Variants in ADORA2A observed in about 807,000 individuals in gnomAD.
ADORA2A encodes the protein adenosine A2a receptor, also known as adenosine receptor A2a.
In ADORA2A, 11 loss-of-function variants were observed where a neutral mutation model predicts 18.4. The observed-to-expected ratio is 0.60, with a 90% CI of 0.38 to 0.99. The LOEUF is 0.99. ADORA2A is among the 50% of genes least tolerant of loss of function. ADORA2A has a pLI of 0.01. For missense variants in ADORA2A, 449 were observed against 556.1 expected (o/e 0.81, Z 1.94); for synonymous variants, 218 against 237.3 (o/e 0.92, Z 0.75).
At chr22:24,440,530 G>T in intron 2 of ADORA2A, 53 bp from the exon 3 acceptor site, 1 of 1,508,862 alleles carries the variant, frequency 6.6e-7, no homozygotes, top group Non-Finnish European at 8.9e-7. Context: ...TGAACTCTTG[G>T]CCCTGCTTAA....
intron 1 of ADORA2A, among the ~76,000 whole-genome samples, chr22:24,428,638 A>G (rs774209487): frequency 7.2e-5 from 11 of 152,124 alleles, no homozygotes; most frequent in Non-Finnish European, 1.5e-4. Context: ...TTCCTACTGG[A>G]ATGAATTCAC....
upstream of ADORA2A, chr22:24,423,913 A>C (rs1009810398): frequency 1.3e-5 from 2 of 151,150 alleles, no homozygotes; most frequent in African/African-American, 4.9e-5. Flanking sequence ...GGAGCCGGAG[A>C]CCCAGCGGCC....
At chr22:24,432,576 G>C (rs907644343) in intron 1 of ADORA2A, 3 of 152,404 alleles carry the variant, frequency 2.0e-5, no homozygotes, top group East Asian at 1.9e-4. Flanking sequence ...CTGAGCATGG[G>C]GGGGCCAACA....
In ADORA2A at chr22:24,441,284, T is replaced by G. The variant is rs1568953992; in HGVS notation, c.1034T>G (p.Val345Gly). 6.2e-7 allele frequency: 1 copy of G among 1,611,974 alleles called. No individual in the cohort carries two copies. The highest frequency in any genetic ancestry group is 8.5e-7 in the Non-Finnish European group (1 of 1,179,026). The change falls in exon 3 of 3, where the codon GTG (valine) becomes GGG (glycine). Residue 345 changes from valine (V) to glycine (G), a missense_variant. Transcript: ENST00000337539. ...SLRLNGHPPG[V>G]WANGSAPHPE... ...CGTCTCAACGGCCACCCGCCAGGAG[T>G]GTGGGCCAACGGCAGTGCTCCCCAC... is the stretch of plus-strand genomic sequence containing the variant.
chr22:24,440,915 G>A lies in ADORA2A; in HGVS notation c.665G>A (p.Arg222Gln), dbSNP rs201346032. 45 of 1,614,136 alleles carry A rather than the reference G, an allele frequency of 2.8e-5. No homozygotes were observed. In the Middle Eastern group the frequency reaches 6.6e-4, roughly 24 times the overall value. Residue 222 changes from arginine to glutamine, a missense_variant, in exon 3 of 3, where the codon CGG becomes CAG. Transcript: ENST00000337539. ...CAGCCTCTGCCGGGGGAGCGGGCAC[G>A]GTCCACACTGCAGAAGGAGGTCCAT... ...ESQPLPGERA[R>Q]STLQKEVHAA...
upstream of ADORA2A, among the ~76,000 whole-genome samples, chr22:24,425,862 G>T (rs541977323): frequency 9.8e-5 from 15 of 152,360 alleles, no homozygotes; most frequent in African/African-American, 3.4e-4. Context: ...CTCATCTGTA[G>T]AACAAGGATG....
intron 1 of ADORA2A, chr22:24,431,349 C>A: frequency 4.4e-6 from 2 of 456,504 alleles, no homozygotes; most frequent in Non-Finnish European, 8.8e-6. Flanking sequence ...TGCAGGAGAA[C>A]CTCCAGTCCC....
intron 2 of ADORA2A, among the ~76,000 whole-genome samples, chr22:24,440,055 C>T (rs959551846): frequency 5.9e-5 from 9 of 152,130 alleles, no homozygotes; most frequent in African/African-American, 2.2e-4. Context: ...GGCCTAGATC[C>T]TCTATAGGTC....
upstream of ADORA2A, chr22:24,424,461 G>A (rs759844471): frequency 6.6e-6 from 1 of 152,264 alleles, no homozygotes; most frequent in African/African-American, 2.4e-5. This position sits in a 1 kb window ranked among gnomAD's most constrained non-coding sequence, Gnocchi z 4.9. Context: ...TGGACCGGGG[G>A]CGCAGAGGCG....
Position 24,440,733 on chromosome 22 carries a change from G to A in ADORA2A, c.483G>A (p.Glu161=). 1 of 1,614,228 alleles carries A rather than the reference G, an allele frequency of 6.2e-7. No individual in the cohort carries two copies. Among genetic ancestry groups the A allele is most frequent in the Non-Finnish European group, 8.5e-7 (1 of 1,180,036 alleles). ...EGKNHSQGCG[E]GQVACLFEDV... The stretch of plus-strand genomic sequence containing the variant: ...AGAACCACTCCCAGGGCTGCGGGGA[G>A]GGCCAAGTGGCCTGTCTCTTTGAGG... The change falls in exon 3 of 3, where the codon GAG becomes GAA. Residue 161 remains glutamate, a synonymous_variant. Transcript: ENST00000337539.
At chr22:24,431,935 C>T (rs1305837327) in intron 1 of ADORA2A, among the ~76,000 whole-genome samples, 1 of 152,208 alleles carries the variant, frequency 6.6e-6, no homozygotes, top group Non-Finnish European at 1.5e-5. Flanking sequence ...GCTGGCATGG[C>T]CCCTAGAGGT....
In ADORA2A at chr22:24,441,492, A is replaced by T. The variant is rs774881965; in HGVS notation, c.*3A>T. On this transcript the variant is annotated 3_prime_UTR_variant, in exon 3 of 3. Transcript: ENST00000337539. The stretch of plus-strand genomic sequence containing the variant: ...AGGATGGAGCAGGAGTGTCCTGATG[A>T]TTCATGGAGTTTGCCCCTTCCTAAG... The T allele has an allele frequency of 6.7e-7, 1 of 1,498,992 alleles. No homozygotes were observed. The highest frequency in any genetic ancestry group is 8.9e-7 in the Non-Finnish European group (1 of 1,124,584). The allele number at this position is 1,498,992 out of a possible 1,614,324, so 92.9% of individuals were successfully genotyped here.
At chr22:24,428,193 G>A (rs945383459) in intron 1 of ADORA2A, among the ~76,000 whole-genome samples, 2 of 152,210 alleles carry the variant, frequency 1.3e-5, no homozygotes, top group South Asian at 2.1e-4. Flanking sequence ...GGTTCTGGGA[G>A]GTTCATGCCC....
In ADORA2A at chr22:24,441,618, T is replaced by G; in HGVS notation, c.*129T>G. On this transcript the variant is annotated 3_prime_UTR_variant, in exon 3 of 3. Coordinates refer to ENST00000337539, the MANE Select transcript of ADORA2A (RefSeq NM_000675.6). The stretch of plus-strand genomic sequence containing the variant: ...AGGGCAGCCGGTTCCTACTTTGGAC[T>G]GAGAGAAGGGAGCCCCAGGCTGGAG... 1 of 970,404 alleles carries G rather than the reference T, an allele frequency of 1.0e-6. No individual in the cohort carries two copies. The highest frequency in any genetic ancestry group is 1.4e-6 in the Non-Finnish European group (1 of 713,240). The allele number at this position is 970,404 out of a possible 1,614,324, so 60.1% of individuals were successfully genotyped here.
At chr22:24,434,394 G>C (rs1416819461) in intron 2 of ADORA2A, among the ~76,000 whole-genome samples, 2 of 152,216 alleles carry the variant, frequency 1.3e-5, no homozygotes, top group African/African-American at 4.8e-5. Context: ...GCTGTTGGAG[G>C]GGATTTTTAT....
upstream of ADORA2A, among the ~76,000 whole-genome samples, chr22:24,425,350 C>CCCA (rs1555876278): frequency 2.2e-5 from 3 of 139,244 alleles, no homozygotes; most frequent in Non-Finnish European, 4.8e-5. Flanking sequence ...CCCCCCCCCC[C>CCCA]CGCCCAACAT....
chr22:24,436,015 C>T (rs1281887912), intron 2 of ADORA2A, among the ~76,000 whole-genome samples: 2 of 152,204 alleles, frequency 1.3e-5, no homozygotes, highest in South Asian at 2.1e-4. Context: ...TGTGGCCAGG[C>T]GGATGTTCTG....
intron 1 of ADORA2A, among the ~76,000 whole-genome samples, chr22:24,428,836 C>T (rs2042959829): frequency 6.6e-6 from 1 of 152,206 alleles, no homozygotes; most frequent in African/African-American, 2.4e-5. Flanking sequence ...CTTTGAGGTC[C>T]CCTGCCATAT....
chr22:24,438,361 C>T (rs905948486), intron 2 of ADORA2A: 3 of 152,236 alleles, frequency 2.0e-5, no homozygotes, highest in Non-Finnish European at 1.5e-5. Flanking sequence ...ATTAATATAG[C>T]TTCCCAGTCA....
Sources: allele counts gnomAD v4.1 joint callset (sites outside exome capture counted in the v4.1 genomes callset), GRCh38; gene constraint gnomAD v4.1.1; non-coding constraint Gnocchi (gnomAD v3.1); transcripts MANE v1.5; gene names NCBI Gene and HGNC (gene_info 2026-07-23, HGNC 2026-07-21).